Variants in RHOJ observed in about 807,000 individuals in gnomAD.
RHOJ encodes rho-related GTP-binding protein RhoJ.
Under a neutral mutation model 23.4 loss-of-function variants are expected in RHOJ, and 11 were observed. The observed-to-expected ratio is 0.47, with a 90% CI of 0.30 to 0.78. The LOEUF (loss-of-function observed/expected upper bound fraction) is 0.78, where lower values mean the gene tolerates loss of function less well. Ranked by LOEUF, RHOJ falls within the 30% of genes least tolerant of loss-of-function variation. The probability of loss-of-function intolerance (pLI) is 0.08; values close to 1 mark genes in which losing one functional copy is unlikely to be tolerated. For synonymous variants in RHOJ, 102 were observed against 102.7 expected (o/e 0.99, Z 0.04); for missense variants, 254 against 273.4 (o/e 0.93, Z 0.50).
chr14:63,271,798 A>AT (rs970607107), intron 2 of RHOJ, among the ~76,000 whole-genome samples: 13 of 152,210 alleles, frequency 8.5e-5, no homozygotes, highest in Admixed American at 8.5e-4. Flanking sequence ...AGGTTTCACC[A>AT]TGTTGCCCAG....
rs763844661 is a variant in RHOJ at position 63,205,001 on chromosome 14, C to T, written c.132C>T (p.Asp44=). ...GCCTGCTGATGAGCTACGCCAACGA[C>T]GCCTTCCCAGAGGAATACGTGCCCA... The part of the protein sequence containing the change: ...KTCLLMSYAN[D]AFPEEYVPTV... Residue 44 remains aspartate, a synonymous_variant, in exon 1 of 5, where the codon GAC becomes GAT. Transcript: ENST00000316754. The T allele has an allele frequency of 2.5e-6, 4 of 1,614,184 alleles. No homozygotes were observed. The South Asian group carries it at 3.3e-5, about 13-fold the overall frequency.
chr14:63,280,078 C>T (rs994855312), intron 2 of RHOJ, among the ~76,000 whole-genome samples: 1 of 152,038 alleles, frequency 6.6e-6, no homozygotes, highest in African/African-American at 2.4e-5. Context: ...GGCTGGAGTA[C>T]AGTGGCATGA....
rs61460887 is a variant in RHOJ, at chr14:63,263,499, A to G, written c.179-5611A>G. On this transcript the variant is annotated intron_variant, in intron 1 of 4. Transcript: ENST00000316754. ...CTGGCATAAACTGTGTGATCTACTT[A>G]TCTTCCTTCTGATAGAACGAGAGAA... Among the ~76,000 whole-genome samples, 815 of 152,304 alleles carry G rather than the reference A, an allele frequency of 5.4e-3. 11 individuals carry two copies. The highest frequency in any genetic ancestry group is 0.019 in the African/African-American group (800 of 41,568).
rs187399226 is a variant in RHOJ at position 63,268,791 on chromosome 14, A to G, written c.179-319A>G. Among the ~76,000 whole-genome samples the G allele has an allele frequency of 2.7e-3, 418 of 152,324 alleles. 3 individuals are homozygous for G. The highest frequency in any genetic ancestry group is 9.5e-3 in the African/African-American group (397 of 41,576). ...TAACCTAATGAAAAAGGGGCCCAGC[A>G]TTCTTTTTCATCAGAAGCTTGGTGT... is the stretch of plus-strand genomic sequence containing the variant. On this transcript the variant is annotated intron_variant, in intron 1 of 4. Coordinates refer to ENST00000316754, the MANE Select transcript of RHOJ (RefSeq NM_020663.5).
intron 1 of RHOJ, among the ~76,000 whole-genome samples, chr14:63,261,397 C>A (rs1895269596): frequency 1.3e-5 from 2 of 151,902 alleles, no homozygotes; most frequent in African/African-American, 2.4e-5. Context: ...TTCTATTGAA[C>A]CTAACCACCT....
At chr14:63,261,302 T>A (rs1051483898) in intron 1 of RHOJ, among the ~76,000 whole-genome samples, 1 of 152,214 alleles carries the variant, frequency 6.6e-6, no homozygotes, top group African/African-American at 2.4e-5. Context: ...TTGACCCTCA[T>A]ATATTGTAAC....
At chr14:63,214,164 G>A (rs1479652131) in intron 1 of RHOJ, among the ~76,000 whole-genome samples, 1 of 152,122 alleles carries the variant, frequency 6.6e-6, no homozygotes, top group Admixed American at 6.5e-5. Context: ...CATAAGAAAA[G>A]CTTACTTGTT....
intron 1 of RHOJ, among the ~76,000 whole-genome samples, chr14:63,243,389 G>T (rs1355566943): frequency 6.6e-6 from 1 of 152,142 alleles, no homozygotes; most frequent in East Asian, 1.9e-4. Flanking sequence ...ACCCAGGCTG[G>T]AGTACAGTGG....
intron 2 of RHOJ, among the ~76,000 whole-genome samples, chr14:63,279,882 G>A (rs1394517077): frequency 6.6e-6 from 1 of 152,140 alleles, no homozygotes; most frequent in Non-Finnish European, 1.5e-5. Context: ...CGTGTGAGGA[G>A]AGGATTCCTG....
intron 1 of RHOJ, among the ~76,000 whole-genome samples, chr14:63,240,275 G>C (rs563378628): frequency 1.3e-5 from 2 of 152,280 alleles, no homozygotes; most frequent in South Asian, 4.2e-4. Context: ...ACAAGAAAGA[G>C]AGTAAAAAAT....
At chr14:63,219,787 G>T (rs1353381845) in intron 1 of RHOJ, among the ~76,000 whole-genome samples, 2 of 148,438 alleles carry the variant, frequency 1.3e-5, no homozygotes, top group African/African-American at 5.0e-5. Context: ...CTGCACTCCA[G>T]CCTGGTGACA....
At chr14:63,250,045 C>T (rs1256010521) in intron 1 of RHOJ, among the ~76,000 whole-genome samples, 1 of 152,168 alleles carries the variant, frequency 6.6e-6, no homozygotes, top group East Asian at 1.9e-4. Context: ...CAGCAAGTCA[C>T]CCATTTGTGC....
intron 1 of RHOJ, among the ~76,000 whole-genome samples, chr14:63,215,762 C>A (rs1048759791): frequency 7.9e-5 from 12 of 151,988 alleles, no homozygotes; most frequent in African/African-American, 2.7e-4. Context: ...TTATAATTTT[C>A]TTTGTTTATT....
intron 1 of RHOJ, among the ~76,000 whole-genome samples, chr14:63,246,823 C>A (rs767337231): frequency 1.3e-5 from 2 of 152,080 alleles, no homozygotes; most frequent in Non-Finnish European, 2.9e-5. Flanking sequence ...GTAGAAGTGA[C>A]GAGGAATGGA....
chr14:63,262,929 C>T (rs1186643530), intron 1 of RHOJ, among the ~76,000 whole-genome samples: 1 of 152,150 alleles, frequency 6.6e-6, no homozygotes, highest in Admixed American at 6.5e-5. Flanking sequence ...ACACCATGTG[C>T]CAGTTAATGT....
intron 1 of RHOJ, among the ~76,000 whole-genome samples, chr14:63,246,018 G>T (rs755218331): frequency 2.0e-5 from 3 of 152,140 alleles, no homozygotes; most frequent in Non-Finnish European, 4.4e-5. Flanking sequence ...AGGATTCCTG[G>T]TGTTTCAAAG....
intron 1 of RHOJ, among the ~76,000 whole-genome samples, chr14:63,208,951 C>A (rs1392762451): frequency 6.6e-6 from 1 of 152,158 alleles, no homozygotes; most frequent in Non-Finnish European, 1.5e-5. Flanking sequence ...CATGTATGTA[C>A]ATGACCACTC....
rs1345979188 is a variant in RHOJ, at chr14:63,293,001, T to C, written c.*1977T>C. On this transcript the variant is annotated 3_prime_UTR_variant, in exon 5 of 5. Transcript: ENST00000316754. Reference sequence around the variant, plus strand: ...CAAGTACTATTTCCCTTCTCTCCCATCTAATTGCTAAAGATTTTCTTTCAT... The same window carrying C: ...CAAGTACTATTTCCCTTCTCTCCCACCTAATTGCTAAAGATTTTCTTTCAT... 1 of 150,716 alleles carries C rather than the reference T, an allele frequency of 6.6e-6. No homozygotes were observed. The highest frequency in any genetic ancestry group is 3.4e-3 in the Middle Eastern group (1 of 292). 9.3% of individuals were successfully genotyped at this position (150,716 alleles called of 1,614,324 possible). A position where few individuals can be genotyped will look rare whatever the true frequency, so the allele number is the denominator to read the frequency against.
chr14:63,243,465 G>A (rs993395335), intron 1 of RHOJ, among the ~76,000 whole-genome samples: 3 of 152,144 alleles, frequency 2.0e-5, no homozygotes, highest in East Asian at 1.9e-4. Context: ...TCAGCCTCCC[G>A]AGTAGCTGGG....
Sources: allele counts gnomAD v4.1 joint callset (sites outside exome capture counted in the v4.1 genomes callset), GRCh38; gene constraint gnomAD v4.1.1; transcripts MANE v1.5; gene names NCBI Gene and HGNC (gene_info 2026-07-23, HGNC 2026-07-21).